The following RBFOX3 variants were observed in gnomAD, a reference collection of about 807,000 sequenced individuals.
RBFOX3 encodes the protein RNA binding fox-1 homolog 3, also known as RNA binding protein fox-1 homolog 3.
RBFOX3 carries 17 observed loss-of-function variants against 48.7 expected under a neutral mutation model. That is an observed-to-expected ratio of 0.35 (90% CI 0.24 to 0.52). The LOEUF (loss-of-function observed/expected upper bound fraction) is 0.52. Ranked by LOEUF, RBFOX3 falls within the 20% of genes least tolerant of loss-of-function variation. RBFOX3 has a pLI of 0.94. For synonymous variants in RBFOX3, 212 were observed against 209.5 expected, an observed-to-expected ratio of 1.01 and a Z score of -0.10; for missense variants, 382 against 497.5, an observed-to-expected ratio of 0.77 and a Z score of 2.21.
the RBFOX3 span, among the ~76,000 whole-genome samples, chr17:79,646,452 C>G: frequency 1.3e-5 from 2 of 152,142 alleles, no homozygotes; most frequent in African/African-American, 4.8e-5. Flanking sequence ...ACTGGGGAGG[C>G]CTCACAGTCA....
rs2076900321 is a variant in RBFOX3 at position 79,103,895 on chromosome 17, C to G, written c.414+178G>C. ...AAAAGCGGCAGCGGCAGCAACAACA[C>G]AGACAGCTGGGGTGGGGGCGGGGCG... On this transcript the variant is annotated intron_variant, in intron 7 of 14. Coordinates refer to ENST00000693108, the MANE Select transcript of RBFOX3 (RefSeq NM_001350451.2). The surrounding 1 kb of genome is among the most constrained non-coding windows in gnomAD (Gnocchi z 6.1). Among the ~76,000 whole-genome samples the G allele has an allele frequency of 7.8e-6, 1 of 128,838 alleles. No individual in the cohort carries two copies. The highest frequency in any genetic ancestry group is 2.3e-4 in the South Asian group (1 of 4,260). The allele number at this position is 128,838 out of a possible 152,430, so 84.5% of individuals were successfully genotyped here.
At chr17:79,462,164 A>T (rs1211963251) in intron 2 of RBFOX3, among the ~76,000 whole-genome samples, 1 of 152,212 alleles carries the variant, frequency 6.6e-6, no homozygotes, top group Non-Finnish European at 1.5e-5. Context: ...ATCTCTATCC[A>T]TCAATGAGTA....
chr17:79,469,358 C>A (rs2076774123), intron 2 of RBFOX3, among the ~76,000 whole-genome samples: 1 of 152,216 alleles, frequency 6.6e-6, no homozygotes, highest in Non-Finnish European at 1.5e-5. Context: ...CTTGGCCGCC[C>A]ATGCAGTCCT....
chr17:79,291,478 T>C (rs957192630), intron 3 of RBFOX3, among the ~76,000 whole-genome samples: 5 of 152,196 alleles, frequency 3.3e-5, no homozygotes, highest in Non-Finnish European at 5.9e-5. Flanking sequence ...TGGGGATTTA[T>C]TGAAGTCTTG....
intron 1 of RBFOX3, among the ~76,000 whole-genome samples, chr17:79,546,175 C>T (rs2090406213): frequency 6.6e-6 from 1 of 152,214 alleles, no homozygotes; most frequent in South Asian, 2.1e-4. Context: ...TATATTCCAC[C>T]TGCCACCACT....
At chr17:79,661,100 G>T in the RBFOX3 span, among the ~76,000 whole-genome samples, 7 of 152,200 alleles carry the variant, frequency 4.6e-5, no homozygotes, top group Non-Finnish European at 1.0e-4. Context: ...ACAGGGTTGG[G>T]GGAATAACAC....
chr17:79,523,358 T>C (rs927148463), intron 1 of RBFOX3, among the ~76,000 whole-genome samples: 16 of 152,232 alleles, frequency 1.1e-4, no homozygotes, highest in African/African-American at 3.9e-4. Flanking sequence ...AGTGTGGAAC[T>C]GAACTTGCCT....
intron 2 of RBFOX3, among the ~76,000 whole-genome samples, chr17:79,389,095 G>A (rs2060982298): frequency 6.7e-6 from 1 of 148,200 alleles, no homozygotes; most frequent in African/African-American, 2.6e-5. Flanking sequence ...CGAAGCGGTG[G>A]GCGCGGGGGG....
At chr17:79,634,809 C>T in the RBFOX3 span, among the ~76,000 whole-genome samples, 1 of 152,006 alleles carries the variant, frequency 6.6e-6, no homozygotes, top group Admixed American at 6.5e-5. Flanking sequence ...CCTGTAATCC[C>T]AGCACTTTGG....
intron 3 of RBFOX3, among the ~76,000 whole-genome samples, chr17:79,285,605 G>A (rs1194512390): frequency 2.0e-5 from 3 of 152,164 alleles, no homozygotes; most frequent in Non-Finnish European, 2.9e-5. Flanking sequence ...GTGGTTTCCC[G>A]AAGATCCACT....
At chr17:79,431,813 C>A (rs2068513938) in intron 2 of RBFOX3, among the ~76,000 whole-genome samples, 1 of 152,204 alleles carries the variant, frequency 6.6e-6, no homozygotes, top group African/African-American at 2.4e-5. Flanking sequence ...ACAAACATAT[C>A]TCTGAACCAT....
the RBFOX3 span, among the ~76,000 whole-genome samples, chr17:79,639,213 C>T: frequency 1.3e-4 from 20 of 151,742 alleles, no homozygotes; most frequent in African/African-American, 2.9e-4. Flanking sequence ...CTCACTCTGT[C>T]GCCCAGGCTG....
At chr17:79,309,064 A>C (rs199798352) in intron 2 of RBFOX3, among the ~76,000 whole-genome samples, 4 of 150,484 alleles carry the variant, frequency 2.7e-5, no homozygotes, top group Admixed American at 2.0e-4. Context: ...CTGAGATCAC[A>C]CCACCGCACT....
At position 79,487,841 on chromosome 17, in the gene RBFOX3, G is replaced by A. The variant is rs971707389; in HGVS notation, c.-319-5243C>T. Reference sequence around the variant, plus strand: ...GCAGGAGAATGGTGTGAACCCAGGAGGCGGAGCTTGCAGTGAGCCGAGATC... The same window carrying A: ...GCAGGAGAATGGTGTGAACCCAGGAAGCGGAGCTTGCAGTGAGCCGAGATC... On this transcript the variant is annotated intron_variant, in intron 1 of 14. Coordinates refer to ENST00000693108, the MANE Select transcript of RBFOX3 (RefSeq NM_001350451.2). Among the ~76,000 whole-genome samples, 80 of 146,840 alleles carry A rather than the reference G, an allele frequency of 5.4e-4. 1 individual carries two copies. The highest frequency in any genetic ancestry group is 1.8e-3 in the African/African-American group (73 of 40,004).
At chr17:79,664,348 T>C in the RBFOX3 span, among the ~76,000 whole-genome samples, 3 of 134,924 alleles carry the variant, frequency 2.2e-5, no homozygotes, top group South Asian at 8.1e-4. Context: ...CTAATTTTTG[T>C]ATTTTTTTTT....
chr17:79,604,306 G>A (rs2066400565), intron 1 of RBFOX3, among the ~76,000 whole-genome samples: 2 of 152,230 alleles, frequency 1.3e-5, no homozygotes, highest in Non-Finnish European at 2.9e-5. Context: ...CATGGACCCA[G>A]TTTAAAGCAT....
intron 2 of RBFOX3, among the ~76,000 whole-genome samples, chr17:79,326,929 A>G (rs1384713199): frequency 6.6e-6 from 1 of 152,230 alleles, no homozygotes; most frequent in East Asian, 1.9e-4. Flanking sequence ...ACCCCATTTT[A>G]AAGATGAGGA....
chr17:79,420,126 CAT>C (rs879951337), intron 2 of RBFOX3, among the ~76,000 whole-genome samples: 50,563 of 118,612 alleles, frequency 0.43, 9,234 homozygotes, highest in Middle Eastern at 0.49. Context: ...GACTCCGTCT[CAT>C]ACACACACAC....
In RBFOX3 at chr17:79,481,697, T is replaced by TG. The variant is rs1303374292; in HGVS notation, c.-175+756dup. Reference sequence around the variant, plus strand: ...AGCAGGGTGGTGCATCCTAACACCATGGGGAATGGGTGTGGATGCTCCGAA... The same window carrying TG: ...AGCAGGGTGGTGCATCCTAACACCATGGGGGAATGGGTGTGGATGCTCCGAA... On this transcript the variant is annotated intron_variant, in intron 2 of 14. Coordinates refer to ENST00000693108, the MANE Select transcript of RBFOX3 (RefSeq NM_001350451.2). This position sits in a 1 kb window ranked among gnomAD's most constrained non-coding sequence, Gnocchi z 5.4. 1.3e-5 allele frequency among the ~76,000 whole-genome samples: 2 copies of TG among 152,096 alleles called. No individual in the cohort carries two copies. Among genetic ancestry groups the TG allele is most frequent in the African/African-American group, 4.8e-5 (2 of 41,418 alleles).
Sources: gnomAD v4.1 joint callset for allele counts (sites outside exome capture counted in the v4.1 genomes callset) on GRCh38, gnomAD v4.1.1 for gene constraint, Gnocchi (gnomAD v3.1) non-coding constraint, MANE v1.5 for transcripts, NCBI Gene and HGNC (gene_info 2026-07-23, HGNC 2026-07-21) for gene names.